The following MYO18B variants were observed in gnomAD, a reference collection of about 807,000 sequenced individuals.
MYO18B encodes myosin XVIIIB, also known as unconventional myosin-XVIIIb.
MYO18B carries 204 observed loss-of-function variants against 273.0 expected under a neutral mutation model. The observed-to-expected ratio is 0.75, with a 90% confidence interval of 0.67 to 0.84. MYO18B has a LOEUF of 0.84. Among genes scored for constraint, MYO18B ranks in the 40% least tolerant of loss-of-function variants. MYO18B has a pLI of 0.00. For missense variants in MYO18B, 3,212 were observed against 3,287.6 expected, an observed-to-expected ratio of 0.98 and a Z score of 0.56; for synonymous variants, 1,330 against 1,305.7, an observed-to-expected ratio of 1.02 and a Z score of -0.40.
At chr22:25,954,469 C>G (rs1209190919) in intron 38 of MYO18B, among the ~76,000 whole-genome samples, 1 of 152,002 alleles carries the variant, frequency 6.6e-6, no homozygotes, top group Non-Finnish European at 1.5e-5. Flanking sequence ...AATCCCCCAT[C>G]CCTTATCTGG....
At chr22:25,978,991 A>C (rs2093122561) in intron 39 of MYO18B, among the ~76,000 whole-genome samples, 1 of 152,188 alleles carries the variant, frequency 6.6e-6, no homozygotes. Context: ...GATGATGAAG[A>C]CTAAATTTAT....
chr22:25,999,339 G>A (rs1276750298), intron 40 of MYO18B, among the ~76,000 whole-genome samples: 1 of 152,158 alleles, frequency 6.6e-6, no homozygotes, highest in Non-Finnish European at 1.5e-5. Context: ...ATCTGTCACT[G>A]TGAGATGGGG....
At position 26,027,510 on chromosome 22, in the gene MYO18B, C is replaced by T. The variant is rs1407996315; in HGVS notation, c.7536C>T (p.Ser2512=). 4.3e-6 allele frequency: 7 copies of T among 1,614,006 alleles called. No homozygotes were observed. The highest frequency in any genetic ancestry group is 3.4e-6 in the Non-Finnish European group (4 of 1,179,900). ...ACCTGTCTGACTCGTCCTCATCCTC[C>T]GGCTCCATCGTGTCCTTCAAAAGTG... is the stretch of plus-strand genomic sequence containing the variant. The part of the protein sequence containing the change: ...PAHLSDSSSS[S]GSIVSFKSAD... Residue 2512 remains serine (S), a synonymous_variant, in exon 43 of 44, where the codon TCC becomes TCT. Coordinates refer to ENST00000335473, the MANE Select transcript of MYO18B (RefSeq NM_032608.7). The surrounding 1 kb of genome is among the most constrained non-coding windows in gnomAD (Gnocchi z 4.1).
chr22:25,899,211 G>T (rs1047338698), intron 29 of MYO18B: 1 of 152,206 alleles, frequency 6.6e-6, no homozygotes, highest in Non-Finnish European at 1.5e-5. Context: ...ACCCAGATTC[G>T]CACACTCATA....
intron 21 of MYO18B, among the ~76,000 whole-genome samples, chr22:25,856,188 C>T (rs74689200): frequency 0.097 from 14,695 of 152,186 alleles, 752 homozygotes; most frequent in Middle Eastern, 0.15. Flanking sequence ...CTCCACATTC[C>T]TGCCAATGTG....
intron 42 of MYO18B, among the ~76,000 whole-genome samples, chr22:26,011,733 A>C (rs1379379424): frequency 6.6e-6 from 1 of 152,204 alleles, no homozygotes; most frequent in African/African-American, 2.4e-5. Flanking sequence ...TTTATTACCA[A>C]GCCTGGCTTT....
chr22:25,783,586 G>T (rs1422730363), intron 10 of MYO18B, among the ~76,000 whole-genome samples: 1 of 152,220 alleles, frequency 6.6e-6, no homozygotes, highest in Non-Finnish European at 1.5e-5. Context: ...TTGGCTCTGG[G>T]GATAGAAGCA....
chr22:25,846,651 C>T (rs1394327830), intron 19 of MYO18B, among the ~76,000 whole-genome samples: 1 of 152,204 alleles, frequency 6.6e-6, no homozygotes, highest in African/African-American at 2.4e-5. Context: ...GGCAAGGCGG[C>T]AGGACCCAGC....
intron 24 of MYO18B, 89 bp downstream of exon 24, chr22:25,876,421 C>T: frequency 1.4e-6 from 2 of 1,392,918 alleles, no homozygotes; most frequent in Middle Eastern, 5.2e-4. Context: ...GCCCCTATTC[C>T]TGAATGTTCT....
chr22:25,811,890 C>T (rs1338216737), intron 12 of MYO18B, among the ~76,000 whole-genome samples: 1 of 152,186 alleles, frequency 6.6e-6, no homozygotes, highest in African/African-American at 2.4e-5. Context: ...AGGGTGTGTC[C>T]AGTGTTCAAC....
the MYO18B span, among the ~76,000 whole-genome samples, chr22:26,055,368 G>A: frequency 6.6e-6 from 1 of 152,070 alleles, no homozygotes; most frequent in African/African-American, 2.4e-5. Flanking sequence ...GCCATGTTCT[G>A]GTCTTGGCTG....
At chr22:26,049,035 A>G in the MYO18B span, among the ~76,000 whole-genome samples, 1 of 152,098 alleles carries the variant, frequency 6.6e-6, no homozygotes, top group Non-Finnish European at 1.5e-5. Flanking sequence ...TACATAACAA[A>G]CCTGCGCATG....
intron 40 of MYO18B, 48 bp downstream of exon 40, chr22:25,992,541 A>G: frequency 6.2e-7 from 1 of 1,610,768 alleles, no homozygotes; most frequent in South Asian, 1.1e-5. Context: ...GGTGGGCGGC[A>G]TCCTGGGGAG....
intron 1 of MYO18B, among the ~76,000 whole-genome samples, chr22:25,753,600 TA>T (rs1240044127): frequency 6.6e-6 from 1 of 152,004 alleles, no homozygotes; most frequent in Non-Finnish European, 1.5e-5. Flanking sequence ...TTGTTGGGTC[TA>T]CGCTGCGTGT....
chr22:26,012,555 G>T (rs1490195061), intron 42 of MYO18B, among the ~76,000 whole-genome samples: 1 of 152,170 alleles, frequency 6.6e-6, no homozygotes, highest in East Asian at 1.9e-4. Flanking sequence ...ATGGACCAAA[G>T]GCCTGAGCAA....
chr22:25,752,911 C>T (rs1327937467), intron 1 of MYO18B, among the ~76,000 whole-genome samples: 1 of 152,168 alleles, frequency 6.6e-6, no homozygotes, highest in East Asian at 1.9e-4. Context: ...CGGCTCGCGC[C>T]GCTAGCCCCG....
intron 12 of MYO18B, among the ~76,000 whole-genome samples, chr22:25,821,026 A>G (rs12160521): frequency 0.2 from 30,101 of 152,092 alleles, 3,136 homozygotes; most frequent in Non-Finnish European, 0.21. Context: ...TTATGTCTGA[A>G]TAGTATTCCA....
chr22:26,028,090 A>G (rs1418247860), intron 43 of MYO18B, among the ~76,000 whole-genome samples: 1 of 151,958 alleles, frequency 6.6e-6, no homozygotes, highest in Non-Finnish European at 1.5e-5. Context: ...CTAAAAATAC[A>G]AAAAATTAGC....
chr22:25,943,640 G>A (rs1196395170), intron 34 of MYO18B, among the ~76,000 whole-genome samples: 1 of 151,022 alleles, frequency 6.6e-6, no homozygotes, highest in Non-Finnish European at 1.5e-5. Flanking sequence ...CAGGGCCTTT[G>A]CACTTGCTAT....
Sources: allele counts gnomAD v4.1 joint callset (sites outside exome capture counted in the v4.1 genomes callset), GRCh38; gene constraint gnomAD v4.1.1; non-coding constraint Gnocchi (gnomAD v3.1); transcripts MANE v1.5; gene names NCBI Gene and HGNC (gene_info 2026-07-23, HGNC 2026-07-21).